Variants in BCLAF1 observed in about 807,000 individuals in gnomAD.
BCLAF1 encodes the protein bcl-2-associated transcription factor 1.
Under a neutral mutation model 99.5 loss-of-function variants are expected in BCLAF1, and 10 were observed. The ratio of observed to expected loss-of-function variants is 0.10; its 90% CI spans 0.06 to 0.17. The LOEUF (loss-of-function observed/expected upper bound fraction) is 0.17. BCLAF1 is among the 10% of genes least tolerant of loss of function. The pLI, the probability that BCLAF1 is intolerant of heterozygous loss-of-function variation, is 1.00. For synonymous variants in BCLAF1, 255 were observed against 370.9 expected (o/e 0.69, Z 3.59); for missense variants, 636 against 1,105.8 (o/e 0.58, Z 6.02).
At chr6:136,262,905 T>C (rs1213220294) in intron 11 of BCLAF1, among the ~76,000 whole-genome samples, 1 of 152,126 alleles carries the variant, frequency 6.6e-6, no homozygotes, top group Non-Finnish European at 1.5e-5. Flanking sequence ...TCAGAAACTG[T>C]GTGACTTTGG....
In BCLAF1 at chr6:136,258,924, T is replaced by C. The variant is rs1780653846; in HGVS notation, c.*2186A>G. The stretch of plus-strand genomic sequence containing the variant: ...CTTTGGTTCATTTTTATTGCCCCTC[T>C]CTAGGCAAAACAAAGTATGTTAACG... On this transcript the variant is annotated 3_prime_UTR_variant, in exon 13 of 13. Coordinates refer to ENST00000531224, the MANE Select transcript of BCLAF1 (RefSeq NM_014739.3). 6.6e-6 allele frequency: 1 copy of C among 152,494 alleles called. No homozygotes were observed. Among genetic ancestry groups the C allele is most frequent in the Non-Finnish European group, 1.5e-5 (1 of 67,902 alleles). The allele number at this position is 152,494 out of a possible 1,614,324, so 9.4% of individuals were successfully genotyped here. A position where few individuals can be genotyped will look rare whatever the true frequency, so the allele number is the denominator to read the frequency against.
chr6:136,269,912 G>C (rs1782275287), intron 8 of BCLAF1: 1 of 215,748 alleles, frequency 4.6e-6, no homozygotes, highest in Admixed American at 5.5e-5. Flanking sequence ...TACAGTAAAT[G>C]ATACAAATAT....
At chr6:136,276,880 TC>T (rs1783503173) in intron 4 of BCLAF1, among the ~76,000 whole-genome samples, 1 of 152,282 alleles carries the variant, frequency 6.6e-6, no homozygotes, top group East Asian at 1.9e-4. Context: ...TTGATAATTA[TC>T]CCCAAAATTC....
At chr6:136,268,140 C>A in intron 10 of BCLAF1, 22 bp downstream of exon 10, 1 of 1,507,270 alleles carries the variant, frequency 6.6e-7, no homozygotes, top group South Asian at 1.4e-5. Context: ...ACCAAACAAT[C>A]AAAGATAATT....
chr6:136,276,660 C>A, intron 4 of BCLAF1, 152 bp from the exon 5 acceptor site: 1 of 923,116 alleles, frequency 1.1e-6, no homozygotes, highest in African/African-American at 1.7e-5. Context: ...TTTTAAAAAT[C>A]ATTGAAAGCA....
chr6:136,261,667 AACT>A (rs1434940822), intron 11 of BCLAF1, among the ~76,000 whole-genome samples, 190 bp from the exon 12 acceptor site: 2 of 152,168 alleles, frequency 1.3e-5, no homozygotes, highest in Non-Finnish European at 2.9e-5. Flanking sequence ...TCAAGAGAAT[AACT>A]ACATCTTACT....
At chr6:136,270,134 GAAGT>G (rs778477315) in intron 8 of BCLAF1, among the ~76,000 whole-genome samples, 58 of 151,664 alleles carry the variant, frequency 3.8e-4, no homozygotes, top group Non-Finnish European at 4.9e-4. Flanking sequence ...AAAAACTTCA[GAAGT>G]AAGAATTCTA....
At chr6:136,268,055 A>G (rs1029859163) in intron 10 of BCLAF1, 107 bp downstream of exon 10, 3 of 1,095,260 alleles carry the variant, frequency 2.7e-6, no homozygotes, top group African/African-American at 1.6e-5. Flanking sequence ...TGACTTTAGG[A>G]ATAATGACAC....
At chr6:136,268,459 A>T in intron 9 of BCLAF1, 120 bp from the exon 10 acceptor site, 1 of 903,778 alleles carries the variant, frequency 1.1e-6, no homozygotes, top group East Asian at 2.7e-5. Context: ...AAATTATGTA[A>T]ATAAAATAAT....
rs1166426117 is a variant in BCLAF1 at position 136,269,679 on chromosome 6, A to T, written c.2044-67T>A. ...TAGAAAAAATATATATACACATATT[A>T]TAGAGTTAAATTTTATGCCAGCTTC... On this transcript the variant is annotated intron_variant, in intron 8 of 12. Coordinates refer to ENST00000531224, the MANE Select transcript of BCLAF1 (RefSeq NM_014739.3). The T allele has an allele frequency of 3.3e-6, 4 of 1,227,414 alleles. No individual in the cohort carries two copies. The Admixed American group carries it at 1.3e-4, about 40-fold the overall frequency. The allele number at this position is 1,227,414 out of a possible 1,614,324, so 76.0% of individuals were successfully genotyped here.
intron 10 of BCLAF1, 85 bp downstream of exon 10, chr6:136,268,077 T>C (rs1312843822): frequency 5.7e-6 from 7 of 1,232,940 alleles, no homozygotes; most frequent in Non-Finnish European, 7.6e-6. Flanking sequence ...CATAACAATC[T>C]CTAAATCATG....
At chr6:136,288,994 CCAG>C (rs1177884059) in intron 1 of BCLAF1, among the ~76,000 whole-genome samples, 7 of 152,194 alleles carry the variant, frequency 4.6e-5, no homozygotes. Context: ...AACTAGGCAA[CCAG>C]CACCAGTCAA....
intron 1 of BCLAF1, among the ~76,000 whole-genome samples, chr6:136,284,842 A>AGGGG: frequency 6.6e-6 from 1 of 151,998 alleles, no homozygotes; most frequent in African/African-American, 2.4e-5. Flanking sequence ...AGGGGGGGGA[A>AGGGG]AAGTACAAGT....
In BCLAF1 at chr6:136,268,259, T is replaced by G; in HGVS notation, c.2300A>C (p.Lys767Thr). Residue 767 changes from lysine (K) to threonine (T), a missense_variant, in exon 10 of 13, where the codon AAG becomes ACG. Coordinates refer to ENST00000531224, the MANE Select transcript of BCLAF1 (RefSeq NM_014739.3). ...TTCTTCTCTTTCCTTCTTACTCTCC[T>G]TTTCTTCTCGAGAACTGGGAGAAGA... is the stretch of plus-strand genomic sequence containing the variant. Reference protein sequence around the residue: ...SPSSPSSREEKESKKEREEEF... With the variant: ...SPSSPSSREETESKKEREEEF... 1 of 1,602,548 alleles carries G rather than the reference T, an allele frequency of 6.2e-7. No individual in the cohort carries two copies. The highest frequency in any genetic ancestry group is 8.5e-7 in the Non-Finnish European group (1 of 1,175,806).
chr6:136,259,275 C>T lies in BCLAF1; in HGVS notation c.*1835G>A, dbSNP rs1780691329. 1 of 152,042 alleles carries T rather than the reference C, an allele frequency of 6.6e-6. No individual in the cohort carries two copies. Among genetic ancestry groups the T allele is most frequent in the African/African-American group, 2.4e-5 (1 of 41,444 alleles). The allele number at this position is 152,042 out of a possible 1,614,324, so 9.4% of individuals were successfully genotyped here. A position where few individuals can be genotyped will look rare whatever the true frequency, so the allele number is the denominator to read the frequency against. On this transcript the variant is annotated 3_prime_UTR_variant, in exon 13 of 13. Transcript: ENST00000531224. ...CAGGAATTAAGTAGTTTTATTCCCA[C>T]TCCCTATTACATAATTTCTCAGATC...
chr6:136,280,205 C>A (rs1327445172), intron 2 of BCLAF1, among the ~76,000 whole-genome samples: 1 of 152,048 alleles, frequency 6.6e-6, no homozygotes, highest in Non-Finnish European at 1.5e-5. Context: ...TATTCCACGC[C>A]CAATACAAAT....
At chr6:136,261,862 T>C (rs989517866) in intron 11 of BCLAF1, among the ~76,000 whole-genome samples, 37 of 152,092 alleles carry the variant, frequency 2.4e-4, no homozygotes, top group Admixed American at 9.8e-4. Flanking sequence ...ACCTTAGTCA[T>C]AAAGATGCAG....
chr6:136,262,817 G>T (rs962912950), intron 11 of BCLAF1, among the ~76,000 whole-genome samples: 8 of 152,100 alleles, frequency 5.3e-5, no homozygotes, highest in Admixed American at 6.5e-5. Flanking sequence ...CAGAGGCTGT[G>T]TTTTTTTATG....
chr6:136,268,586 G>C (rs966603432), intron 9 of BCLAF1: 1 of 374,106 alleles, frequency 2.7e-6, no homozygotes, highest in Non-Finnish European at 4.8e-6. Context: ...TAAAGGTCAA[G>C]AATAAGGTTC....
Sources: gnomAD v4.1 joint callset for allele counts (sites outside exome capture counted in the v4.1 genomes callset) on GRCh38, gnomAD v4.1.1 for gene constraint, MANE v1.5 for transcripts, NCBI Gene and HGNC (gene_info 2026-07-23, HGNC 2026-07-21) for gene names.